Variants in LCA5 observed in about 807,000 individuals in gnomAD.
LCA5 encodes the protein lebercilin.
In LCA5, 37 loss-of-function variants were observed where a neutral mutation model predicts 53.0. The ratio of observed to expected loss-of-function variants is 0.70; its 90% CI spans 0.54 to 0.92. The LOEUF is 0.92. LCA5 is among the 40% of genes least tolerant of loss of function. LCA5 has a pLI of 0.00. For missense variants in LCA5, 806 were observed against 790.5 expected, an observed-to-expected ratio of 1.02 and a Z score of -0.23; for synonymous variants, 303 against 282.9, an observed-to-expected ratio of 1.07 and a Z score of -0.71.
intron 3 of LCA5, among the ~76,000 whole-genome samples, chr6:79,507,755 GT>G (rs1481171420): frequency 6.6e-6 from 1 of 152,092 alleles, no homozygotes; most frequent in Non-Finnish European, 1.5e-5. Flanking sequence ...CAGACTCTTT[GT>G]TTTGGGTTAA....
chr6:79,530,540 AAT>A (rs1369383017), intron 1 of LCA5, among the ~76,000 whole-genome samples: 1 of 152,156 alleles, frequency 6.6e-6, no homozygotes, highest in Non-Finnish European at 1.5e-5. Flanking sequence ...AAAACAAAAC[AAT>A]ATATTCTTTT....
intron 3 of LCA5, among the ~76,000 whole-genome samples, chr6:79,510,892 C>G (rs1770393444): frequency 6.6e-6 from 1 of 152,044 alleles, no homozygotes; most frequent in Admixed American, 6.6e-5. Context: ...ATCAAGATGG[C>G]TAAAACTTTA....
intron 1 of LCA5, among the ~76,000 whole-genome samples, chr6:79,530,787 C>T (rs1372089115): frequency 6.6e-6 from 1 of 151,924 alleles, no homozygotes; most frequent in Non-Finnish European, 1.5e-5. Flanking sequence ...CTTGTAGCTG[C>T]CTGGCTAATT....
intron 2 of LCA5, 110 bp from the exon 3 acceptor site, chr6:79,513,851 A>C: frequency 9.7e-7 from 1 of 1,035,488 alleles, no homozygotes; most frequent in Non-Finnish European, 1.5e-6. Context: ...TTTTGTCTTT[A>C]AGAAAGGATT....
chr6:79,511,287 C>T (rs994287497), intron 3 of LCA5, among the ~76,000 whole-genome samples: 2 of 152,144 alleles, frequency 1.3e-5, no homozygotes, highest in African/African-American at 2.4e-5. Flanking sequence ...TACATCCATA[C>T]CATGGAATAC....
At chr6:79,522,855 T>C (rs983631538) in intron 1 of LCA5, among the ~76,000 whole-genome samples, 1 of 151,690 alleles carries the variant, frequency 6.6e-6, no homozygotes, top group Non-Finnish European at 1.5e-5. Context: ...CCTGACCACA[T>C]ATTTAATATT....
chr6:79,494,035 C>T (rs1329538156), intron 3 of LCA5, among the ~76,000 whole-genome samples: 1 of 151,972 alleles, frequency 6.6e-6, no homozygotes, highest in Non-Finnish European at 1.5e-5. Flanking sequence ...GAGGCCTAGG[C>T]AGGAGGAGCT....
At chr6:79,523,353 A>C (rs1766683133) in intron 1 of LCA5, among the ~76,000 whole-genome samples, 1 of 152,216 alleles carries the variant, frequency 6.6e-6, no homozygotes, top group South Asian at 2.1e-4. Context: ...AAGGATAATG[A>C]TAACAGCAAG....
upstream of LCA5, among the ~76,000 whole-genome samples, chr6:79,538,420 C>T (rs1190276153): frequency 6.6e-6 from 1 of 152,176 alleles, no homozygotes; most frequent in African/African-American, 2.4e-5. Flanking sequence ...ATACATTTTA[C>T]TTCAAGTTAC....
intron 1 of LCA5, among the ~76,000 whole-genome samples, chr6:79,526,418 C>A (rs1001312144): frequency 3.3e-5 from 5 of 152,040 alleles, no homozygotes; most frequent in African/African-American, 1.2e-4. Flanking sequence ...GTGGCGGGCG[C>A]GTGTAGTCCC....
At chr6:79,528,443 T>C (rs1766856829) in intron 1 of LCA5, among the ~76,000 whole-genome samples, 1 of 152,178 alleles carries the variant, frequency 6.6e-6, no homozygotes, top group Admixed American at 6.5e-5. Flanking sequence ...CTCCGTAACC[T>C]GTTACCATCC....
chr6:79,488,322 T>C (rs1769731604), intron 7 of LCA5: 1 of 160,344 alleles, frequency 6.2e-6, no homozygotes, highest in Admixed American at 6.3e-5. Context: ...TGAAGAACAT[T>C]CTATTTTTAA....
Position 79,487,301 on chromosome 6 carries a change from C to G in LCA5, c.1797G>C (p.Glu599Asp). 6.2e-7 allele frequency: 1 copy of G among 1,613,612 alleles called. No homozygotes were observed. Among genetic ancestry groups the G allele is most frequent in the Non-Finnish European group, 8.5e-7 (1 of 1,179,816 alleles). Residue 599 changes from glutamate to aspartate, a missense_variant, in exon 8 of 8, where the codon GAG (glutamate) becomes GAC (aspartate). By Grantham distance (45) the Glu-to-Asp change is conservative. Coordinates refer to ENST00000369846, the MANE Select transcript of LCA5 (RefSeq NM_001122769.3). Reference protein sequence around the residue: ...KDGVDLITRKEKKANLMEQLF... With the variant: ...KDGVDLITRKDKKANLMEQLF... Reference sequence around the variant, plus strand: ...ACTGTTCCATCAAATTAGCTTTTTTCTCTTTTCTTGTAATTAAATCTACAC... The same window carrying G: ...ACTGTTCCATCAAATTAGCTTTTTTGTCTTTTCTTGTAATTAAATCTACAC...
rs1460252605 is a variant in LCA5, at chr6:79,485,682, A to G, written c.*1322T>C. 6.6e-6 allele frequency: 1 copy of G among 152,166 alleles called. No individual in the cohort carries two copies. The highest frequency in any genetic ancestry group is 1.5e-5 in the Non-Finnish European group (1 of 68,020). 9.4% of individuals were successfully genotyped at this position (152,166 alleles called of 1,614,324 possible). A position where few individuals can be genotyped will look rare whatever the true frequency, so the allele number is the denominator to read the frequency against. ...CTCCTTCCCCTCATCAGTATATATG[A>G]CTGGCGTCAGAAATCATACTACGAG... On this transcript the variant is annotated 3_prime_UTR_variant, in exon 8 of 8. Transcript: ENST00000369846.
chr6:79,520,024 GT>G (rs1562109970), intron 1 of LCA5, among the ~76,000 whole-genome samples: 1 of 151,924 alleles, frequency 6.6e-6, no homozygotes, highest in African/African-American at 2.4e-5. Flanking sequence ...GATCCCTAGA[GT>G]TTTTTTGGAA....
upstream of LCA5, among the ~76,000 whole-genome samples, chr6:79,538,018 G>GTTTTTTTTTTTTTTTT (rs869197362): frequency 5.7e-4 from 25 of 44,164 alleles, 2 homozygotes; most frequent in African/African-American, 7.0e-4. Context: ...TTGCACACAA[G>GTTTTTTTTTTTTTTTT]TTTTTTTTTT....
At chr6:79,518,214 A>G (rs910862454) in intron 2 of LCA5, among the ~76,000 whole-genome samples, 2 of 152,176 alleles carry the variant, frequency 1.3e-5, no homozygotes, top group Admixed American at 1.3e-4. Context: ...AAAGAAAGCA[A>G]ATTAGACCAA....
intron 3 of LCA5, among the ~76,000 whole-genome samples, chr6:79,496,871 C>T (rs766325733): frequency 6.6e-6 from 1 of 152,090 alleles, no homozygotes; most frequent in Non-Finnish European, 1.5e-5. Flanking sequence ...CTTTGAAAGT[C>T]TAGTAGCCTT....
At chr6:79,501,087 T>C (rs565842442) in intron 3 of LCA5, among the ~76,000 whole-genome samples, 1 of 152,284 alleles carries the variant, frequency 6.6e-6, no homozygotes, top group African/African-American at 2.4e-5. Flanking sequence ...ACTTAAAAAA[T>C]TACGCTTTAA....
Sources: gnomAD v4.1 joint callset for allele counts (sites outside exome capture counted in the v4.1 genomes callset) on GRCh38, gnomAD v4.1.1 for gene constraint, MANE v1.5 for transcripts, NCBI Gene and HGNC (gene_info 2026-07-23, HGNC 2026-07-21) for gene names.